Variants in AK3 observed in about 807,000 individuals in gnomAD.
AK3 encodes the protein adenylate kinase 3.
AK3 carries 27 observed loss-of-function variants against 23.7 expected under a neutral mutation model. The observed-to-expected ratio is 1.14, with a 90% CI of 0.84 to 1.57. The LOEUF (loss-of-function observed/expected upper bound fraction) is 1.57, where lower values mean the gene tolerates loss of function less well. Among genes scored for constraint, AK3 ranks in the 40% most tolerant of loss-of-function variants. The probability of loss-of-function intolerance (pLI) is 0.00; values close to 1 mark genes in which losing one functional copy is unlikely to be tolerated. For synonymous variants in AK3, 159 were observed against 116.0 expected, an observed-to-expected ratio of 1.37 and a Z score of -2.38; for missense variants, 406 against 285.6, an observed-to-expected ratio of 1.42 and a Z score of -3.04.
At chr9:4,718,662 T>A in intron 3 of AK3, 125 bp from the exon 4 acceptor site, 1 of 716,254 alleles carries the variant, frequency 1.4e-6, no homozygotes. Context: ...GTGCTAACTT[T>A]TAAAAAAATG....
upstream of AK3, chr9:4,741,337 CAGCCGCGCAAGCCGCGCA>C (rs141585773): frequency 1.5e-5 from 5 of 344,188 alleles, no homozygotes; most frequent in East Asian, 1.8e-4. Flanking sequence ...TGTTCCCGCC[CAGCCGCGCAAGCCGCGCA>C]AGCCGCGCCC....
chr9:4,730,809 GTTAT>G (rs1377482005), intron 1 of AK3, among the ~76,000 whole-genome samples: 1 of 152,012 alleles, frequency 6.6e-6, no homozygotes, highest in Non-Finnish European at 1.5e-5. Context: ...AGAAAGAATT[GTTAT>G]TTTTCTCTTT....
intron 1 of AK3, among the ~76,000 whole-genome samples, chr9:4,723,832 CT>C (rs1841959741): frequency 6.6e-6 from 1 of 152,220 alleles, no homozygotes; most frequent in African/African-American, 2.4e-5. Flanking sequence ...GACTCTTGTT[CT>C]TTTGCTTTTA....
chr9:4,735,266 T>C (rs865783476), intron 1 of AK3, among the ~76,000 whole-genome samples: 154 of 13,308 alleles, frequency 0.012, 55 homozygotes, highest in African/African-American at 0.04. Flanking sequence ...TATATAAATA[T>C]ATATATAAAT....
chr9:4,717,978 G>A (rs1841783009), intron 4 of AK3, among the ~76,000 whole-genome samples: 1 of 152,198 alleles, frequency 6.6e-6, no homozygotes, highest in South Asian at 2.1e-4. Context: ...CCAATGACTG[G>A]TTCTGCAGTA....
intron 1 of AK3, among the ~76,000 whole-genome samples, chr9:4,736,996 C>T (rs28522705): frequency 7.2e-5 from 11 of 151,996 alleles, no homozygotes; most frequent in African/African-American, 1.9e-4. Context: ...GTCTCTGAGA[C>T]GCACTATGCT....
intron 1 of AK3, among the ~76,000 whole-genome samples, chr9:4,733,218 T>C (rs1842195006): frequency 6.6e-6 from 1 of 152,296 alleles, no homozygotes; most frequent in Middle Eastern, 3.4e-3. Flanking sequence ...AAAATGCTTT[T>C]AGCATCATTA....
chr9:4,714,445 A>C lies in AK3; in HGVS notation c.564-1349T>G, dbSNP rs532591523. Reference sequence around the variant, plus strand: ...TTTTCTCGGTAAGAAACATCTGCTAAGGAAGGAAATTATGCAAATACAGCA... The same window carrying C: ...TTTTCTCGGTAAGAAACATCTGCTACGGAAGGAAATTATGCAAATACAGCA... On this transcript the variant is annotated intron_variant, in intron 4 of 4. Coordinates refer to ENST00000381809, the MANE Select transcript of AK3 (RefSeq NM_016282.4). 1.9e-3 allele frequency among the ~76,000 whole-genome samples: 284 copies of C among 152,318 alleles called. 1 individual carries two copies. The highest frequency in any genetic ancestry group is 5.3e-3 in the African/African-American group (221 of 41,576).
chr9:4,737,251 A>G (rs10974759), intron 1 of AK3, among the ~76,000 whole-genome samples: 28,421 of 152,004 alleles, frequency 0.19, 3,160 homozygotes, highest in East Asian at 0.44. Flanking sequence ...ATTCTGCTTT[A>G]AAATAAATAA....
At chr9:4,721,406 T>TA (rs770712533) in intron 2 of AK3, among the ~76,000 whole-genome samples, 36,926 of 116,882 alleles carry the variant, frequency 0.32, 5,988 homozygotes, top group Non-Finnish European at 0.39. Flanking sequence ...CTGTCTCCAT[T>TA]AAAAAAAAAA....
chr9:4,727,796 T>G (rs1202146628), intron 1 of AK3, among the ~76,000 whole-genome samples: 1 of 152,218 alleles, frequency 6.6e-6, no homozygotes, highest in African/African-American at 2.4e-5. Flanking sequence ...CTAAGCTTAA[T>G]CATTTCTAGC....
chr9:4,737,730 A>C (rs769378986), intron 1 of AK3, among the ~76,000 whole-genome samples: 83 of 152,200 alleles, frequency 5.5e-4, no homozygotes, highest in Non-Finnish European at 9.8e-4. Context: ...AAAAAAATAA[A>C]ATACAATAAA....
intron 3 of AK3, among the ~76,000 whole-genome samples, chr9:4,718,907 C>G (rs456374): frequency 6.6e-6 from 1 of 152,016 alleles, no homozygotes; most frequent in Non-Finnish European, 1.5e-5. Flanking sequence ...CTTGGCAGAG[C>G]AGGAAATCAA....
intron 4 of AK3, 59 bp from the exon 5 acceptor site, chr9:4,713,155 C>G: frequency 6.3e-7 from 1 of 1,576,104 alleles, no homozygotes; most frequent in African/African-American, 1.4e-5. Context: ...CTAATAAGCT[C>G]TTTCAAAGCC....
intron 1 of AK3, among the ~76,000 whole-genome samples, chr9:4,728,166 T>G (rs1842060780): frequency 6.6e-6 from 1 of 152,182 alleles, no homozygotes; most frequent in African/African-American, 2.4e-5. Context: ...TGCGTACTTG[T>G]TGGGAAAATG....
At chr9:4,714,152 C>A (rs395423) in intron 4 of AK3, among the ~76,000 whole-genome samples, 21 of 5,154 alleles carry the variant, frequency 4.1e-3, no homozygotes, top group South Asian at 0.012. Flanking sequence ...ATACACACCT[C>A]CACATACACA....
intron 1 of AK3, 69 bp from the exon 2 acceptor site, chr9:4,722,694 A>C: frequency 6.3e-7 from 1 of 1,597,738 alleles, no homozygotes; most frequent in Non-Finnish European, 8.5e-7. Flanking sequence ...CCTCGGAACG[A>C]GTTGCCTAAA....
intron 1 of AK3, among the ~76,000 whole-genome samples, chr9:4,740,528 A>G (rs1394974130): frequency 6.6e-6 from 1 of 152,140 alleles, no homozygotes; most frequent in Non-Finnish European, 1.5e-5. Flanking sequence ...AACAAAGAAA[A>G]CAAAACAGAA....
At chr9:4,740,780 G>A (rs544752505) in intron 1 of AK3, among the ~76,000 whole-genome samples, 157 bp downstream of exon 1, 1 of 152,316 alleles carries the variant, frequency 6.6e-6, no homozygotes, top group African/African-American at 2.4e-5. Context: ...GAGGTTTTGG[G>A]GCGCAGTCGC....
Sources: gnomAD v4.1 joint callset for allele counts (sites outside exome capture counted in the v4.1 genomes callset) on GRCh38, gnomAD v4.1.1 for gene constraint, MANE v1.5 for transcripts, NCBI Gene and HGNC (gene_info 2026-07-23, HGNC 2026-07-21) for gene names.